PAX2: variants seen among roughly 807,000 people sequenced by gnomAD.
PAX2 encodes the protein paired box 2.
Under a neutral mutation model 41.7 loss-of-function variants are expected in PAX2, and 9 were observed. The observed-to-expected ratio is 0.22, with a 90% CI of 0.13 to 0.38. The LOEUF is 0.38. Ranked by LOEUF, PAX2 falls within the 10% of genes least tolerant of loss-of-function variation. PAX2 has a pLI of 1.00. For missense variants in PAX2, 418 were observed against 531.6 expected (o/e 0.79, Z 2.10); for synonymous variants, 221 against 212.7 (o/e 1.04, Z -0.34).
intron 3 of PAX2, among the ~76,000 whole-genome samples, chr10:100,762,644 T>C (rs1452313158): frequency 1.3e-5 from 2 of 152,108 alleles, no homozygotes; most frequent in Non-Finnish European, 2.9e-5. Flanking sequence ...TGCTGCTCTC[T>C]GGATAAGGAA....
chr10:100,757,961 G>T (rs1220481881), intron 3 of PAX2, among the ~76,000 whole-genome samples: 1 of 152,294 alleles, frequency 6.6e-6, no homozygotes, highest in South Asian at 2.1e-4. Flanking sequence ...GAAAGAGGTA[G>T]ACAGGCGAGG....
chr10:100,827,713 C>A lies in PAX2; in HGVS notation c.*94C>A. ...ACCCCGGAGGGAGGGAGGACCGACG[C>A]GACGCGATGCCTCCCGGCCACCGCC... On this transcript the variant is annotated 3_prime_UTR_variant, in exon 10 of 10. Coordinates refer to ENST00000355243, the MANE Select transcript of PAX2 (RefSeq NM_000278.5). This position sits in a 1 kb window ranked among gnomAD's most constrained non-coding sequence, Gnocchi z 8.5. The A allele has an allele frequency of 6.2e-7, 1 of 1,606,868 alleles. No individual in the cohort carries two copies. Among genetic ancestry groups the A allele is most frequent in the South Asian group, 1.1e-5 (1 of 90,762 alleles).
chr10:100,771,771 A>T (rs1478119810), intron 3 of PAX2, among the ~76,000 whole-genome samples: 4 of 151,930 alleles, frequency 2.6e-5, no homozygotes, highest in African/African-American at 9.7e-5. Flanking sequence ...AACCACCTGC[A>T]TTAGCTGGGC....
Position 100,829,493 on chromosome 10 carries a change from C to A in PAX2, c.*1874C>A, listed in dbSNP as rs972483823. 4.8e-6 allele frequency: 1 copy of A among 207,722 alleles called. No individual in the cohort carries two copies. Among genetic ancestry groups the A allele is most frequent in the Middle Eastern group, 1.6e-3 (1 of 630 alleles). 12.9% of individuals were successfully genotyped at this position (207,722 alleles called of 1,614,324 possible). On this transcript the variant is annotated 3_prime_UTR_variant, in exon 10 of 10. Coordinates refer to ENST00000355243, the MANE Select transcript of PAX2 (RefSeq NM_000278.5). ...AGTTGCTCTTTCGGTAGTGGCGATG[C>A]GCCCTGCATGTCTCCTCACCCGTGG...
At chr10:100,801,201 C>T (rs1349007214) in intron 5 of PAX2, among the ~76,000 whole-genome samples, 1 of 152,196 alleles carries the variant, frequency 6.6e-6, no homozygotes, top group Non-Finnish European at 1.5e-5. Context: ...CTTGCCCTCG[C>T]TTCACCTGCA....
At chr10:100,747,935 C>T in intron 1 of PAX2, 1 of 983,606 alleles carries the variant, frequency 1.0e-6, no homozygotes, top group Non-Finnish European at 1.2e-6. Flanking sequence ...CGCGGGCAGC[C>T]ACTTTGAAAC....
chr10:100,774,852 C>T (rs1846328050), intron 3 of PAX2, among the ~76,000 whole-genome samples: 1 of 152,220 alleles, frequency 6.6e-6, no homozygotes, highest in African/African-American at 2.4e-5. Flanking sequence ...GCCCAGAACC[C>T]ATGTCCTTCT....
chr10:100,801,199 C>T (rs895059876), intron 5 of PAX2, among the ~76,000 whole-genome samples: 4 of 152,188 alleles, frequency 2.6e-5, no homozygotes, highest in African/African-American at 4.8e-5. Context: ...CACTTGCCCT[C>T]GCTTCACCTG....
intron 3 of PAX2, among the ~76,000 whole-genome samples, chr10:100,777,290 G>C (rs1482575856): frequency 6.6e-6 from 1 of 151,376 alleles, no homozygotes; most frequent in East Asian, 1.9e-4. Flanking sequence ...TAGTAGAGTT[G>C]GGGTTTCACC....
In PAX2 at chr10:100,750,609, A is replaced by T; in HGVS notation, c.213-85A>T. On this transcript the variant is annotated intron_variant, in intron 2 of 9. Coordinates refer to ENST00000355243, the MANE Select transcript of PAX2 (RefSeq NM_000278.5). This position sits in a 1 kb window ranked among gnomAD's most constrained non-coding sequence, Gnocchi z 4.1. The stretch of plus-strand genomic sequence containing the variant: ...CTCCGCTGCCTCGGCCGGGCAGGAG[A>T]GTGGCTCAGCAGCTCTGGAACCTGC... 1.7e-6 allele frequency: 2 copies of T among 1,203,174 alleles called. No individual in the cohort carries two copies. The highest frequency in any genetic ancestry group is 1.2e-6 in the Non-Finnish European group (1 of 824,766). The allele number at this position is 1,203,174 out of a possible 1,614,324, so 74.5% of individuals were successfully genotyped here. A position where few individuals can be genotyped will look rare whatever the true frequency, so the allele number is the denominator to read the frequency against.
Position 100,748,493 on chromosome 10 carries a change from T to A in PAX2, c.44-1253T>A. 3.0e-6 allele frequency: 3 copies of A among 984,896 alleles called. No individual in the cohort carries two copies. Among genetic ancestry groups the A allele is most frequent in the Non-Finnish European group, 3.6e-6 (3 of 829,854 alleles). The allele number at this position is 984,896 out of a possible 1,614,324, so 61.0% of individuals were successfully genotyped here. A position where few individuals can be genotyped will look rare whatever the true frequency, so the allele number is the denominator to read the frequency against. The stretch of plus-strand genomic sequence containing the variant: ...GTCCCCGCTTTCTCCGAAACTCGCG[T>A]GAGGCTAGCGGGGCAGGGGCTGCAG... On this transcript the variant is annotated intron_variant, in intron 1 of 9. Coordinates refer to ENST00000355243, the MANE Select transcript of PAX2 (RefSeq NM_000278.5). The surrounding 1 kb of genome is among the most constrained non-coding windows in gnomAD (Gnocchi z 5.0).
chr10:100,767,373 G>T (rs977834735), intron 3 of PAX2, among the ~76,000 whole-genome samples: 10 of 152,224 alleles, frequency 6.6e-5, no homozygotes, highest in African/African-American at 2.4e-4. Context: ...GGCTCTCATT[G>T]CTAGTAAGAG....
chr10:100,747,423 T>A (rs567820242), intron 1 of PAX2: 1 of 159,774 alleles, frequency 6.3e-6, no homozygotes, highest in Admixed American at 6.5e-5. Context: ...TTTAATAAAA[T>A]TTGAATTTAT....
chr10:100,785,916 T>A (rs1846834696), intron 5 of PAX2, among the ~76,000 whole-genome samples: 1 of 152,182 alleles, frequency 6.6e-6, no homozygotes, highest in South Asian at 2.1e-4. Context: ...CTTCATCAGC[T>A]CAATCTTCTC....
intron 8 of PAX2, among the ~76,000 whole-genome samples, chr10:100,825,807 G>A (rs564408710): frequency 3.3e-5 from 5 of 152,300 alleles, no homozygotes; most frequent in African/African-American, 1.2e-4. Context: ...GCTGAAGGGA[G>A]TTAGAGGTGT....
At chr10:100,740,768 G>A (rs1481978086), upstream of PAX2, among the ~76,000 whole-genome samples, 1 of 62,168 alleles carries the variant, frequency 1.6e-5, no homozygotes, top group Non-Finnish European at 3.3e-5. Context: ...TGGGGTGAGT[G>A]GCCCCTTTAG....
intron 7 of PAX2, among the ~76,000 whole-genome samples, chr10:100,821,087 C>G (rs899933935): frequency 2.0e-5 from 3 of 152,210 alleles, no homozygotes; most frequent in Non-Finnish European, 4.4e-5. Flanking sequence ...TTCCATTACC[C>G]ATTCATATTC....
rs1462187328 is a variant in PAX2, at chr10:100,791,915, G to A, written c.616+10550G>A. 1.3e-5 allele frequency among the ~76,000 whole-genome samples: 2 copies of A among 152,198 alleles called. No individual in the cohort carries two copies. Among genetic ancestry groups the A allele is most frequent in the South Asian group, 2.1e-4 (1 of 4,832 alleles). On this transcript the variant is annotated intron_variant, in intron 5 of 9. Transcript: ENST00000355243. The surrounding 1 kb of genome is among the most constrained non-coding windows in gnomAD (Gnocchi z 4.5). ...CTGGGGCAGCCAGCTTGTAGGAGCC[G>A]CCTGGGTGAGGGACAGTGTGGGTGG...
At chr10:100,816,897 C>T (rs539037094) in intron 7 of PAX2, among the ~76,000 whole-genome samples, 2 of 152,136 alleles carry the variant, frequency 1.3e-5, no homozygotes, top group East Asian at 1.9e-4. Context: ...CTTAAGTGGC[C>T]GTTTTCCTTG....
Sources: gnomAD v4.1 joint callset for allele counts (sites outside exome capture counted in the v4.1 genomes callset) on GRCh38, gnomAD v4.1.1 for gene constraint, Gnocchi (gnomAD v3.1) non-coding constraint, MANE v1.5 for transcripts, NCBI Gene and HGNC (gene_info 2026-07-23, HGNC 2026-07-21) for gene names.